Variants in FREM2 observed in about 807,000 individuals in gnomAD.
FREM2 encodes FRAS1-related extracellular matrix protein 2.
FREM2 carries 119 observed loss-of-function variants against 219.9 expected under a neutral mutation model. The ratio of observed to expected loss-of-function variants is 0.54; its 90% CI spans 0.47 to 0.63. The LOEUF (loss-of-function observed/expected upper bound fraction) is 0.63, where lower values mean the gene tolerates loss of function less well. FREM2 is among the 30% of genes least tolerant of loss of function. The pLI, the probability that FREM2 is intolerant of heterozygous loss-of-function variation, is 0.00. For synonymous variants in FREM2, 1,562 were observed against 1,522.8 expected (o/e 1.03, Z -0.60); for missense variants, 4,030 against 3,993.6 (o/e 1.01, Z -0.25).
chr13:38,861,703 A>G (rs1376624015), intron 15 of FREM2, 141 bp downstream of exon 15: 1 of 907,882 alleles, frequency 1.1e-6, no homozygotes, highest in Non-Finnish European at 1.8e-6. Flanking sequence ...CACTTCTTTC[A>G]ACTGTTTTAG....
intron 21 of FREM2, among the ~76,000 whole-genome samples, chr13:38,877,658 G>T (rs754098521): frequency 2.3e-4 from 35 of 152,136 alleles, no homozygotes; most frequent in Non-Finnish European, 3.7e-4. Flanking sequence ...CATGGTAGGG[G>T]TTCAATAATA....
At chr13:38,745,851 CTG>C (rs1454729785) in intron 2 of FREM2, among the ~76,000 whole-genome samples, 1 of 152,132 alleles carries the variant, frequency 6.6e-6, no homozygotes, top group Non-Finnish European at 1.5e-5. Flanking sequence ...AATTTTCTCC[CTG>C]TGTGTATTTG....
At chr13:38,770,868 AAAAAAG>A (rs940895247) in intron 4 of FREM2, among the ~76,000 whole-genome samples, 1 of 152,192 alleles carries the variant, frequency 6.6e-6, no homozygotes, top group African/African-American at 2.4e-5. Context: ...TAAAAAGAAA[AAAAAAG>A]AAAAAGAAAA....
At chr13:38,806,191 A>G (rs1875219672) in intron 6 of FREM2, among the ~76,000 whole-genome samples, 1 of 151,818 alleles carries the variant, frequency 6.6e-6, no homozygotes, top group South Asian at 2.1e-4. Context: ...TTGTGGGAGG[A>G]CTTGTGGCCC....
chr13:38,875,617 A>G (rs1213359337), intron 18 of FREM2, among the ~76,000 whole-genome samples: 1 of 152,228 alleles, frequency 6.6e-6, no homozygotes, highest in Non-Finnish European at 1.5e-5. Flanking sequence ...CTGTGTGGAT[A>G]CTAATAGACT....
intron 2 of FREM2, among the ~76,000 whole-genome samples, chr13:38,722,508 G>A (rs1306989593): frequency 6.6e-6 from 1 of 151,954 alleles, no homozygotes; most frequent in Non-Finnish European, 1.5e-5. Flanking sequence ...CACTGACTAA[G>A]CTAAGTCTAC....
At chr13:38,754,792 T>TTTGA (rs1337247391) in intron 2 of FREM2, among the ~76,000 whole-genome samples, 1 of 151,936 alleles carries the variant, frequency 6.6e-6, no homozygotes, top group Non-Finnish European at 1.5e-5. Flanking sequence ...TTTTTTGTGT[T>TTTGA]TTGATTGTCC....
chr13:38,856,619 A>G (rs78851217), intron 12 of FREM2, among the ~76,000 whole-genome samples: 4,778 of 152,080 alleles, frequency 0.031, 117 homozygotes, highest in Middle Eastern at 0.071. Flanking sequence ...ATTCAGTGCC[A>G]CAACTCATAA....
intron 2 of FREM2, among the ~76,000 whole-genome samples, chr13:38,746,561 A>G (rs916139781): frequency 9.2e-5 from 14 of 152,156 alleles, no homozygotes; most frequent in African/African-American, 3.4e-4. Flanking sequence ...AAGATTTTTG[A>G]AGTACCCATG....
intron 2 of FREM2, among the ~76,000 whole-genome samples, chr13:38,763,232 A>G (rs1187945560): frequency 2.0e-5 from 3 of 152,308 alleles, no homozygotes; most frequent in Non-Finnish European, 4.4e-5. Flanking sequence ...AATCTTTAGT[A>G]CCTGTTAAGT....
In FREM2 at chr13:38,845,348, A is replaced by G. The variant is rs144414003; in HGVS notation, c.6020-1225A>G. On this transcript the variant is annotated intron_variant, in intron 6 of 23. Coordinates refer to ENST00000280481, the MANE Select transcript of FREM2 (RefSeq NM_207361.6). ...TTAATTTGGTATGTGTGGGAATTCA[A>G]TTAGTTGCTCTGAAACATGATATCA... is the stretch of plus-strand genomic sequence containing the variant. Among the ~76,000 whole-genome samples, 17 of 152,290 alleles carry G rather than the reference A, an allele frequency of 1.1e-4. No individual in the cohort carries two copies. The East Asian group carries it at 2.7e-3, about 24-fold the overall frequency.
chr13:38,818,963 A>G (rs1368730947), intron 6 of FREM2, among the ~76,000 whole-genome samples: 1 of 152,154 alleles, frequency 6.6e-6, no homozygotes, highest in Non-Finnish European at 1.5e-5. Context: ...TGTGCTGGAT[A>G]TACTAACTAC....
chr13:38,690,006 G>A lies in FREM2; in HGVS notation c.2662G>A (p.Gly888Ser). The A allele has an allele frequency of 1.9e-6, 3 of 1,613,944 alleles. No homozygotes were observed. The highest frequency in any genetic ancestry group is 2.2e-5 in the East Asian group (1 of 44,862). The part of the protein sequence containing the change: ...RVSGQILHVG[G>S]LFHLEDIKQG... ...GTCTGGACAGATCCTGCATGTAGGG[G>A]GTCTCTTCCACTTGGAGGACATAAA... is the stretch of plus-strand genomic sequence containing the variant. The change falls in exon 1 of 24, where the codon GGT (glycine) becomes AGT (serine). Residue 888 changes from glycine to serine, a missense_variant. Around this residue, in one of 2 missense-constraint regions of FREM2, gnomAD observed 3,102 missense variants for 2,950.7 expected, o/e 1.05. Coordinates refer to ENST00000280481, the MANE Select transcript of FREM2 (RefSeq NM_207361.6).
chr13:38,850,306 G>A, intron 9 of FREM2, 71 bp downstream of exon 9: 1 of 1,231,280 alleles, frequency 8.1e-7, no homozygotes, highest in Admixed American at 1.8e-5. Context: ...TATATATCAG[G>A]GAAATACAAG....
At chr13:38,845,781 T>C (rs7329868) in intron 6 of FREM2, among the ~76,000 whole-genome samples, 18,487 of 152,114 alleles carry the variant, frequency 0.12, 2,571 homozygotes, top group African/African-American at 0.34. Context: ...GGTAAACCAT[T>C]GGTCACAGTT....
At chr13:38,741,454 A>G (rs931163826) in intron 2 of FREM2, among the ~76,000 whole-genome samples, 14 of 152,200 alleles carry the variant, frequency 9.2e-5, no homozygotes, top group African/African-American at 3.1e-4. Flanking sequence ...CTGAATGACC[A>G]CAAAATGGGT....
rs1333143566 is a variant in FREM2, at chr13:38,769,801, A to G, written c.5634A>G (p.Pro1878=). Reference sequence around the variant, plus strand: ...TCGCCACTGTTGAGATCGTTGATCCAGGAGATGGTAAGAGCCATCGTCAAC... The same window carrying G: ...TCGCCACTGTTGAGATCGTTGATCCGGGAGATGGTAAGAGCCATCGTCAAC... ...PTVATVEIVD[P]GDEPTVFIPQ... The change falls in exon 4 of 24, where the codon CCA becomes CCG. Residue 1878 remains proline, a synonymous_variant. Transcript: ENST00000280481. 14 of 1,613,190 alleles carry G rather than the reference A, an allele frequency of 8.7e-6. No homozygotes were observed. Among genetic ancestry groups the G allele is most frequent in the Non-Finnish European group, 1.1e-5 (13 of 1,179,230 alleles).
intron 6 of FREM2, among the ~76,000 whole-genome samples, chr13:38,792,921 T>G (rs1248346966): frequency 6.6e-6 from 1 of 152,208 alleles, no homozygotes; most frequent in Non-Finnish European, 1.5e-5. Flanking sequence ...GTGCCCTCCA[T>G]TTGAAATAAA....
intron 5 of FREM2, 32 bp from the exon 6 acceptor site, chr13:38,784,524 CA>C (rs1201442018): frequency 1.9e-6 from 3 of 1,611,840 alleles, no homozygotes; most frequent in Non-Finnish European, 2.5e-6. Flanking sequence ...TTATGTTCTA[CA>C]TAAAAATCTT....
Sources: gnomAD v4.1 joint callset for allele counts (sites outside exome capture counted in the v4.1 genomes callset) on GRCh38, gnomAD v4.1.1 for gene constraint, gnomAD v4.1.1 regional missense constraint, MANE v1.5 for transcripts, NCBI Gene and HGNC (gene_info 2026-07-23, HGNC 2026-07-21) for gene names.